Variants in CCDC112 observed in about 807,000 individuals in gnomAD.
CCDC112 encodes coiled-coil domain containing 112.
CCDC112 carries 40 observed loss-of-function variants against 66.3 expected under a neutral mutation model. The ratio of observed to expected loss-of-function variants is 0.60; its 90% CI spans 0.47 to 0.79. The LOEUF is 0.79. Ranked by LOEUF, CCDC112 falls within the 30% of genes least tolerant of loss-of-function variation. The pLI is 0.00. For missense variants in CCDC112, 659 were observed against 603.8 expected (o/e 1.09, Z -0.96); for synonymous variants, 214 against 197.2 (o/e 1.09, Z -0.71).
chr5:115,279,510 G>C, intron 3 of CCDC112, 137 bp downstream of exon 3: 1 of 861,916 alleles, frequency 1.2e-6, no homozygotes, highest in East Asian at 2.7e-5. Flanking sequence ...AAAATACAGA[G>C]AATATAACAC....
intron 7 of CCDC112, 33 bp downstream of exon 7, chr5:115,271,180 T>C: frequency 6.5e-7 from 1 of 1,541,346 alleles, no homozygotes; most frequent in South Asian, 1.3e-5. Context: ...ATGTGTAGCA[T>C]TTAAAAATTA....
chr5:115,287,789 C>T (rs553286356), intron 1 of CCDC112, among the ~76,000 whole-genome samples: 1 of 145,584 alleles, frequency 6.9e-6, no homozygotes, highest in Admixed American at 7.0e-5. Flanking sequence ...CCTCTCATCT[C>T]AGCCTCCTGA....
intron 1 of CCDC112, 157 bp downstream of exon 1, chr5:115,296,270 C>G: frequency 7.6e-7 from 1 of 1,308,032 alleles, no homozygotes. Flanking sequence ...CTGTTAAACG[C>G]ACAAGCCAAC....
chr5:115,276,665 C>T (rs1749218233), intron 4 of CCDC112, among the ~76,000 whole-genome samples: 1 of 152,094 alleles, frequency 6.6e-6, no homozygotes, highest in South Asian at 2.1e-4. Context: ...AACATAGATT[C>T]CCAATCCTGT....
chr5:115,278,984 C>T (rs887214713), intron 3 of CCDC112, among the ~76,000 whole-genome samples: 6 of 152,002 alleles, frequency 3.9e-5, no homozygotes, highest in Non-Finnish European at 4.4e-5. Context: ...GAATCTAACG[C>T]TACAATGAAA....
rs1748803603 is a variant in CCDC112, at chr5:115,267,901, C to T, written c.1565G>A (p.Arg522Lys). ...TCATACTCTTCTCTGTATTCCTTGTCTCCAGGTTGGAATAGCCCTAAGGAG... is the reference window on the plus strand; with the variant it reads ...TCATACTCTTCTCTGTATTCCTTGTTTCCAGGTTGGAATAGCCCTAAGGAG... ...HIPHRAIPTWRQGIQRRV is the reference protein window; with the variant it reads ...HIPHRAIPTWKQGIQRRV The change falls in exon 10 of 10, where the codon AGA (arginine) becomes AAA (lysine). Residue 522 changes from arginine to lysine, a missense_variant. Coordinates refer to ENST00000379611, the MANE Select transcript of CCDC112 (RefSeq NM_001040440.3). The T allele has an allele frequency of 1.2e-6, 2 of 1,611,814 alleles. No individual in the cohort carries two copies. The highest frequency in any genetic ancestry group is 2.2e-5 in the East Asian group (1 of 44,740).
At chr5:115,287,722 T>C (rs1405965002) in intron 1 of CCDC112, among the ~76,000 whole-genome samples, 1 of 111,994 alleles carries the variant, frequency 8.9e-6, no homozygotes, top group Non-Finnish European at 1.8e-5. Flanking sequence ...TTTTTTTTAA[T>C]TAAAGTGGTG....
At position 115,267,676 on chromosome 5, in the gene CCDC112, C is replaced by T; in HGVS notation, c.*200G>A. On this transcript the variant is annotated 3_prime_UTR_variant, in exon 10 of 10. Transcript: ENST00000379611. ...CTTTTACATCAATAATAGGCCAACA[C>T]ATATATTAAATACCTTCTTGGTAGA... The T allele has an allele frequency of 1.7e-6, 1 of 577,024 alleles. No homozygotes were observed. The highest frequency in any genetic ancestry group is 3.1e-6 in the Non-Finnish European group (1 of 323,862). 35.7% of individuals were successfully genotyped at this position (577,024 alleles called of 1,614,324 possible). A position where few individuals can be genotyped will look rare whatever the true frequency, so the allele number is the denominator to read the frequency against.
intron 8 of CCDC112, 107 bp downstream of exon 8, chr5:115,269,596 T>A: frequency 1.4e-6 from 1 of 730,974 alleles, no homozygotes; most frequent in Non-Finnish European, 2.2e-6. Flanking sequence ...TTAAAGTAGA[T>A]GTTATAGAAA....
chr5:115,285,358 A>T (rs1406739994), intron 1 of CCDC112, among the ~76,000 whole-genome samples: 1 of 152,198 alleles, frequency 6.6e-6, no homozygotes. Context: ...GCTATTAAGA[A>T]AATAAATATT....
chr5:115,279,989 T>C (rs572218837), intron 2 of CCDC112, among the ~76,000 whole-genome samples: 210 of 152,304 alleles, frequency 1.4e-3, no homozygotes, highest in Admixed American at 3.2e-3. Flanking sequence ...TGAACTGCTA[T>C]GTAAATCATA....
intron 9 of CCDC112, among the ~76,000 whole-genome samples, chr5:115,268,290 T>C (rs985139234): frequency 7.2e-5 from 11 of 152,182 alleles, no homozygotes; most frequent in Non-Finnish European, 1.3e-4. Context: ...ATTTATTTAT[T>C]TATTTTTTTG....
At chr5:115,269,575 A>T in intron 8 of CCDC112, 128 bp downstream of exon 8, 1 of 644,408 alleles carries the variant, frequency 1.6e-6, no homozygotes, top group Non-Finnish European at 2.6e-6. Flanking sequence ...ATATGTAAAT[A>T]AGTATGAAAT....
At chr5:115,276,160 A>C (rs1348171276) in intron 4 of CCDC112, 91 bp from the exon 5 acceptor site, 2 of 867,126 alleles carry the variant, frequency 2.3e-6, no homozygotes, top group African/African-American at 1.7e-5. Context: ...TGTTCTCCTA[A>C]TTTTAAAATA....
chr5:115,296,449 C>A lies in CCDC112; in HGVS notation c.95G>T (p.Gly32Val). The A allele has an allele frequency of 6.4e-7, 1 of 1,567,318 alleles. No homozygotes were observed. Residue 32 changes from glycine (G) to valine (V), a missense_variant, in exon 1 of 10, where the codon GGA (glycine) becomes GTA (valine). Gly to Val is a moderately radical substitution (Grantham distance 109). Coordinates refer to ENST00000379611, the MANE Select transcript of CCDC112 (RefSeq NM_001040440.3). ...GAGAATGTGVGATPAPQQSDG... is the reference protein window; with the variant it reads ...GAGAATGTGVVATPAPQQSDG... ...TACCTGTTGAGGCGCTGGCGTCGCT[C>A]CCACGCCGGTCCCGGTGGCCGCGCC...
At chr5:115,287,912 T>C (rs1350707018) in intron 1 of CCDC112, among the ~76,000 whole-genome samples, 2 of 152,042 alleles carry the variant, frequency 1.3e-5, no homozygotes, top group South Asian at 2.1e-4. Context: ...ATTGGTTGTG[T>C]TGAAAATCAG....
intron 3 of CCDC112, among the ~76,000 whole-genome samples, chr5:115,278,521 A>G (rs1365264653): frequency 6.6e-6 from 1 of 152,152 alleles, no homozygotes; most frequent in Admixed American, 6.5e-5. Flanking sequence ...ACAAAGTGAA[A>G]TAGATTGGTA....
chr5:115,279,604 T>A (rs752102286), intron 3 of CCDC112, 43 bp downstream of exon 3: 1 of 1,599,510 alleles, frequency 6.3e-7, no homozygotes, highest in Non-Finnish European at 8.5e-7. Flanking sequence ...ACTACAACTT[T>A]ATATCGCTCA....
chr5:115,269,691 G>T lies in CCDC112; in HGVS notation c.1428+12C>A. ...GGATAATAACAATGAAAATAATCTCGGTGCAGAGTACCTTTTCTTTTAATT... is the reference window on the plus strand; with the variant it reads ...GGATAATAACAATGAAAATAATCTCTGTGCAGAGTACCTTTTCTTTTAATT... On this transcript the variant is annotated intron_variant, in intron 8 of 9. Transcript: ENST00000379611. 1 of 1,542,424 alleles carries T rather than the reference G, an allele frequency of 6.5e-7. No individual in the cohort carries two copies. The highest frequency in any genetic ancestry group is 8.8e-7 in the Non-Finnish European group (1 of 1,129,988).
Sources: gnomAD v4.1 joint callset for allele counts (sites outside exome capture counted in the v4.1 genomes callset) on GRCh38, gnomAD v4.1.1 for gene constraint, MANE v1.5 for transcripts, NCBI Gene and HGNC (gene_info 2026-07-23, HGNC 2026-07-21) for gene names.